Variants in MACROD2 observed in about 807,000 individuals in gnomAD.
MACROD2 encodes the protein ADP-ribose glycohydrolase MACROD2.
Under a neutral mutation model 70.4 loss-of-function variants are expected in MACROD2, and 36 were observed. That is an observed-to-expected ratio of 0.51 (90% CI 0.39 to 0.68). MACROD2 has a LOEUF of 0.68. Ranked by LOEUF, MACROD2 falls within the 30% of genes least tolerant of loss-of-function variation. MACROD2 has a pLI of 0.00. For missense variants in MACROD2, 496 were observed against 538.4 expected, an observed-to-expected ratio of 0.92 and a Z score of 0.78; for synonymous variants, 172 against 178.8, an observed-to-expected ratio of 0.96 and a Z score of 0.30.
chr20:15,708,439 G>A (rs1046303424), intron 8 of MACROD2, among the ~76,000 whole-genome samples: 1 of 152,060 alleles, frequency 6.6e-6, no homozygotes, highest in African/African-American at 2.4e-5. Flanking sequence ...ATGCAGGTAG[G>A]GGAAAGAGCA....
chr20:15,811,644 T>C (rs1013529482), intron 8 of MACROD2, among the ~76,000 whole-genome samples: 5 of 152,100 alleles, frequency 3.3e-5, no homozygotes, highest in African/African-American at 9.7e-5. Context: ...CTTTTTTTTT[T>C]CCCCAGACAT....
intron 3 of MACROD2, among the ~76,000 whole-genome samples, chr20:14,276,533 C>T (rs184454855): frequency 1.4e-4 from 21 of 148,592 alleles, no homozygotes; most frequent in Non-Finnish European, 2.7e-4. Context: ...TGCTAAATGA[C>T]GAGTCAATGG....
At chr20:15,471,479 G>A (rs2046963669) in intron 7 of MACROD2, among the ~76,000 whole-genome samples, 1 of 152,232 alleles carries the variant, frequency 6.6e-6, no homozygotes, top group African/African-American at 2.4e-5. Context: ...TGATAACTCT[G>A]GGACTGAGAC....
chr20:14,766,847 A>G (rs1337083155), intron 5 of MACROD2, among the ~76,000 whole-genome samples: 3 of 152,098 alleles, frequency 2.0e-5, no homozygotes, highest in African/African-American at 7.2e-5. Context: ...GTTGTCATAT[A>G]CTCAAAACAA....
chr20:14,948,620 A>G (rs964319678), intron 5 of MACROD2, among the ~76,000 whole-genome samples: 7 of 152,138 alleles, frequency 4.6e-5, no homozygotes, highest in African/African-American at 1.4e-4. Flanking sequence ...CCCTCTGTCT[A>G]CCAAACCTGT....
chr20:15,367,364 AT>A (rs973176053), intron 6 of MACROD2, among the ~76,000 whole-genome samples: 4 of 151,970 alleles, frequency 2.6e-5, no homozygotes, highest in African/African-American at 9.6e-5. Flanking sequence ...GTTTCTACTC[AT>A]TTTTTTTCTT....
At chr20:15,413,699 G>T (rs2046109686) in intron 6 of MACROD2, among the ~76,000 whole-genome samples, 1 of 152,174 alleles carries the variant, frequency 6.6e-6, no homozygotes, top group African/African-American at 2.4e-5. Context: ...TCATATGTTT[G>T]TGGGATTTTT....
intron 6 of MACROD2, among the ~76,000 whole-genome samples, chr20:15,290,060 C>A (rs978352501): frequency 3.3e-5 from 5 of 152,186 alleles, no homozygotes; most frequent in Admixed American, 6.5e-5. Context: ...ACAACAATAA[C>A]AAGAAGCCAG....
At chr20:14,207,770 C>G (rs1216449089) in intron 3 of MACROD2, among the ~76,000 whole-genome samples, 1 of 152,154 alleles carries the variant, frequency 6.6e-6, no homozygotes, top group East Asian at 1.9e-4. Flanking sequence ...TCTCATTATC[C>G]ACTTAGCCTG....
chr20:14,877,826 T>C (rs997818077), intron 5 of MACROD2, among the ~76,000 whole-genome samples: 5 of 152,070 alleles, frequency 3.3e-5, no homozygotes, highest in Admixed American at 2.6e-4. Flanking sequence ...ATAAAGCCCA[T>C]TTGATCATGG....
intron 5 of MACROD2, among the ~76,000 whole-genome samples, chr20:14,865,892 T>C (rs921256978): frequency 6.6e-6 from 1 of 152,146 alleles, no homozygotes; most frequent in East Asian, 1.9e-4. Context: ...TAGCAAGTTC[T>C]CAAAAAGATG....
intron 8 of MACROD2, among the ~76,000 whole-genome samples, chr20:15,630,850 A>G (rs1048601634): frequency 6.6e-6 from 1 of 152,174 alleles, no homozygotes. Context: ...GAAGCCTCCA[A>G]CTGAGTTGGA....
At chr20:14,506,449 A>C (rs2084970559) in intron 4 of MACROD2, among the ~76,000 whole-genome samples, 1 of 152,176 alleles carries the variant, frequency 6.6e-6, no homozygotes, top group Admixed American at 6.5e-5. Flanking sequence ...CAAAAGGACT[A>C]TCCAGTCATT....
intron 6 of MACROD2, among the ~76,000 whole-genome samples, chr20:15,416,259 A>G (rs2046146970): frequency 6.6e-6 from 1 of 152,218 alleles, no homozygotes; most frequent in Non-Finnish European, 1.5e-5. Context: ...AAATATGACT[A>G]CAATCAATTT....
intron 10 of MACROD2, among the ~76,000 whole-genome samples, chr20:15,906,354 T>G (rs542438856): frequency 1.3e-4 from 20 of 152,372 alleles, no homozygotes; most frequent in Admixed American, 1.2e-3. Flanking sequence ...AATCTCAAAC[T>G]TACAGCAAAT....
chr20:15,983,510 A>G (rs577705182), intron 13 of MACROD2, among the ~76,000 whole-genome samples: 21 of 152,282 alleles, frequency 1.4e-4, no homozygotes, highest in African/African-American at 4.3e-4. Context: ...CAGGTCTCCA[A>G]GGAATGCTAA....
intron 7 of MACROD2, among the ~76,000 whole-genome samples, chr20:15,461,006 A>ATATATATATATATTTTTTTTTT: frequency 3.4e-4 from 23 of 67,004 alleles, no homozygotes; most frequent in Admixed American, 1.2e-3. Context: ...ATATATATAT[A>ATATATATATATATTTTTTTTTT]TTTTTTTTTA....
intron 5 of MACROD2, among the ~76,000 whole-genome samples, chr20:15,211,658 C>T (rs2145948285): frequency 6.6e-6 from 1 of 152,224 alleles, no homozygotes. Flanking sequence ...CCTTTGCCTT[C>T]CACCATGATC....
chr20:14,144,836 GTGTTGCCCATTGTAC>G (rs1490545716), intron 3 of MACROD2, among the ~76,000 whole-genome samples: 1 of 152,114 alleles, frequency 6.6e-6, no homozygotes, highest in Non-Finnish European at 1.5e-5. Context: ...AATTATGGGG[GTGTTGCCCATTGTAC>G]TGTATGAAGT....
Sources: gnomAD v4.1 joint callset for allele counts (sites outside exome capture counted in the v4.1 genomes callset) on GRCh38, gnomAD v4.1.1 for gene constraint, MANE v1.5 for transcripts, NCBI Gene and HGNC (gene_info 2026-07-23, HGNC 2026-07-21) for gene names.